Variants in TPGS2 observed in about 807,000 individuals in gnomAD.
TPGS2 encodes polyglutamylase subunit 2.
A neutral mutation model predicts 31.1 loss-of-function variants in TPGS2; 26 were observed. That is an observed-to-expected ratio of 0.84 (90% CI 0.61 to 1.16). The LOEUF is 1.16. Ranked by LOEUF, TPGS2 falls within the 50% of genes most tolerant of loss-of-function variation. The pLI, the probability that TPGS2 is intolerant of heterozygous loss-of-function variation, is 0.00. For synonymous variants in TPGS2, 130 were observed against 136.6 expected, an observed-to-expected ratio of 0.95 and a Z score of 0.34; for missense variants, 351 against 363.8, an observed-to-expected ratio of 0.96 and a Z score of 0.29.
Position 36,828,794 on chromosome 18 carries a change from C to T in TPGS2, c.-27G>A. On this transcript the variant is annotated 5_prime_UTR_variant, in exon 1 of 7. Transcript: ENST00000334295. ...GCTCGCGACCGCGATTCGCGCGCGG[C>T]GGGAGCGGGTGGAGGGCCGGACCCC... is the stretch of plus-strand genomic sequence containing the variant. 4.3e-6 allele frequency: 7 copies of T among 1,610,422 alleles called. No homozygotes were observed. Among genetic ancestry groups the T allele is most frequent in the Non-Finnish European group, 5.9e-6 (7 of 1,178,760 alleles).
At chr18:36,806,850 TAAAAAAAAAAAAAAAAAAAA>T (rs397962723) in intron 3 of TPGS2, among the ~76,000 whole-genome samples, 2 of 37,330 alleles carry the variant, frequency 5.4e-5, no homozygotes, top group East Asian at 1.1e-3. Context: ...GACTCCATCT[TAAAAAAAAAAAAAAAAAAAA>T]AAAAAAAAAA....
Position 36,818,933 on chromosome 18 carries a change from C to G in TPGS2, c.126G>C (p.Lys42Asn). 6.2e-7 allele frequency: 1 copy of G among 1,613,734 alleles called. No homozygotes were observed. The highest frequency in any genetic ancestry group is 8.5e-7 in the Non-Finnish European group (1 of 1,179,782). ...AAATCATATGACGTTCAGCAGGAGG[C>G]TTTTCTATGATGGTCACCTCAGTCA... is the stretch of plus-strand genomic sequence containing the variant. ...PGVTEVTIIE[K>N]PPAERHMISS... The change falls in exon 2 of 7, where the codon AAG (lysine) becomes AAC (asparagine). Residue 42 changes from lysine to asparagine, a missense_variant. Transcript: ENST00000334295.
At chr18:36,783,554 A>G (rs2044064631) in intron 6 of TPGS2, among the ~76,000 whole-genome samples, 1 of 152,326 alleles carries the variant, frequency 6.6e-6, no homozygotes, top group South Asian at 2.1e-4. Flanking sequence ...GAGGGTGCAC[A>G]GGGCCTTGGA....
chr18:36,789,102 G>A (rs2044221526), intron 6 of TPGS2: 1 of 152,200 alleles, frequency 6.6e-6, no homozygotes, highest in Admixed American at 6.5e-5. Flanking sequence ...CCACTCTGCA[G>A]CTAAAATGGG....
At chr18:36,805,532 A>G (rs2045078654) in intron 3 of TPGS2, 30 bp from the exon 4 acceptor site, 1 of 1,613,368 alleles carries the variant, frequency 6.2e-7, no homozygotes, top group East Asian at 2.2e-5. Context: ...GGAGAATTAC[A>G]TGGAGTAACA....
chr18:36,819,202 C>T lies in TPGS2; in HGVS notation c.86-229G>A, dbSNP rs1409310184. Among the ~76,000 whole-genome samples the T allele has an allele frequency of 2.0e-5, 3 of 152,174 alleles. No homozygotes were observed. In the East Asian group the frequency reaches 5.8e-4, roughly 29 times the overall value. ...ATAGAAAGGATATCCACAGACTGTG[C>T]TCTATACTGTCATTGCTCAGTCATT... On this transcript the variant is annotated intron_variant, in intron 1 of 6. Coordinates refer to ENST00000334295, the MANE Select transcript of TPGS2 (RefSeq NM_015476.4).
chr18:36,828,896 A>T lies in TPGS2; in HGVS notation c.-129T>A, dbSNP rs2046334347. ...CGCCTGAAAGCGCGGCGCAGTGATG[A>T]TGGGGGCCCGGGGTTGGTCTGACAG... is the stretch of plus-strand genomic sequence containing the variant. On this transcript the variant is annotated 5_prime_UTR_variant, in exon 1 of 7. Transcript: ENST00000334295. The T allele has an allele frequency of 4.2e-6, 5 of 1,191,648 alleles. No individual in the cohort carries two copies. The highest frequency in any genetic ancestry group is 4.7e-6 in the Non-Finnish European group (4 of 858,438). 73.8% of individuals were successfully genotyped at this position (1,191,648 alleles called of 1,614,324 possible). A position where few individuals can be genotyped will look rare whatever the true frequency, so the allele number is the denominator to read the frequency against.
intron 1 of TPGS2, 113 bp from the exon 2 acceptor site, chr18:36,819,086 A>G (rs2045786454): frequency 1.2e-6 from 1 of 822,526 alleles, no homozygotes; most frequent in African/African-American, 1.7e-5. Flanking sequence ...AATCCTTCTC[A>G]TGAACACTTA....
intron 4 of TPGS2, among the ~76,000 whole-genome samples, chr18:36,805,125 A>G (rs1176119861): frequency 6.6e-6 from 1 of 152,192 alleles, no homozygotes; most frequent in African/African-American, 2.4e-5. Flanking sequence ...AGTTGCTCCT[A>G]GGTTTTAGCA....
intron 2 of TPGS2, among the ~76,000 whole-genome samples, chr18:36,814,685 A>G (rs2045577384): frequency 6.6e-6 from 1 of 152,196 alleles, no homozygotes; most frequent in Non-Finnish European, 1.5e-5. Context: ...AAATGCTTCC[A>G]TATCCTTACT....
At chr18:36,811,133 A>G (rs554241532) in intron 2 of TPGS2, among the ~76,000 whole-genome samples, 5 of 152,342 alleles carry the variant, frequency 3.3e-5, no homozygotes, top group East Asian at 3.9e-4. Flanking sequence ...GCATGAGAAC[A>G]TTGCTGGAAA....
At chr18:36,802,269 G>C (rs1568008053) in intron 4 of TPGS2, among the ~76,000 whole-genome samples, 3 of 152,174 alleles carry the variant, frequency 2.0e-5, no homozygotes, top group Admixed American at 2.0e-4. Flanking sequence ...TGCTGACTGA[G>C]GTCTGCCCTC....
chr18:36,787,629 A>G (rs536300718), intron 6 of TPGS2, among the ~76,000 whole-genome samples: 101 of 152,364 alleles, frequency 6.6e-4, no homozygotes, highest in Non-Finnish European at 1.2e-3. Context: ...CCCTGAAAAG[A>G]GGGATCCTTG....
rs1047779835 is a variant in TPGS2, at chr18:36,794,427, G to T, written c.*2378C>A. On this transcript the variant is annotated 3_prime_UTR_variant, in exon 7 of 7. Coordinates refer to ENST00000334295, the MANE Select transcript of TPGS2 (RefSeq NM_015476.4). Reference sequence around the variant, plus strand: ...GATTGCCACAGATTTGAGTGACACCGCTGACCTCCTGGTTCCTCCGCTGCT... The same window carrying T: ...GATTGCCACAGATTTGAGTGACACCTCTGACCTCCTGGTTCCTCCGCTGCT... The T allele has an allele frequency of 2.1e-5, 21 of 985,298 alleles. No homozygotes were observed. The highest frequency in any genetic ancestry group is 2.3e-5 in the Non-Finnish European group (19 of 829,948). 61.0% of individuals were successfully genotyped at this position (985,298 alleles called of 1,614,324 possible). A position where few individuals can be genotyped will look rare whatever the true frequency, so the allele number is the denominator to read the frequency against.
At position 36,795,591 on chromosome 18, in the gene TPGS2, A is replaced by T; in HGVS notation, c.*1214T>A. ...AATAAATAGGCATTCCTAATTGAAA[A>T]TCTGAGCAACCTTCTCTGTAAAAAT... On this transcript the variant is annotated 3_prime_UTR_variant, in exon 7 of 7. Transcript: ENST00000334295. The T allele has an allele frequency of 1.0e-6, 1 of 985,464 alleles. No individual in the cohort carries two copies. Among genetic ancestry groups the T allele is most frequent in the African/African-American group, 1.7e-5 (1 of 57,376 alleles). 61.0% of individuals were successfully genotyped at this position (985,464 alleles called of 1,614,324 possible). A position where few individuals can be genotyped will look rare whatever the true frequency, so the allele number is the denominator to read the frequency against.
downstream of TPGS2, among the ~76,000 whole-genome samples, chr18:36,781,391 C>T (rs926714343): frequency 1.1e-4 from 16 of 152,168 alleles, no homozygotes; most frequent in Non-Finnish European, 1.6e-4. Flanking sequence ...CGGTGGCTGA[C>T]GCCTGTAATC....
intron 6 of TPGS2, among the ~76,000 whole-genome samples, chr18:36,788,452 A>C (rs2044200314): frequency 6.6e-6 from 1 of 152,212 alleles, no homozygotes; most frequent in African/African-American, 2.4e-5. Flanking sequence ...GTTGAAAAGT[A>C]TAAAGCTGGG....
intron 2 of TPGS2, 65 bp downstream of exon 2, chr18:36,818,829 C>T: frequency 7.0e-7 from 1 of 1,427,798 alleles, no homozygotes; most frequent in East Asian, 2.3e-5. Context: ...CTAATCTTTC[C>T]TTCTCAGGGA....
chr18:36,786,930 A>G (rs2150523884), intron 6 of TPGS2: 1 of 1,234,374 alleles, frequency 8.1e-7, no homozygotes, highest in Non-Finnish European at 1.0e-6. Context: ...TGCACACGCT[A>G]CAGCTCCGGG....
Sources: gnomAD v4.1 joint callset for allele counts (sites outside exome capture counted in the v4.1 genomes callset) on GRCh38, gnomAD v4.1.1 for gene constraint, MANE v1.5 for transcripts, NCBI Gene and HGNC (gene_info 2026-07-23, HGNC 2026-07-21) for gene names.